Variants in KMT2C observed in about 807,000 individuals in gnomAD.
KMT2C encodes the protein histone-lysine N-methyltransferase 2C.
A neutral mutation model predicts 507.9 loss-of-function variants in KMT2C; 88 were observed. The observed-to-expected ratio is 0.17, with a 90% CI of 0.15 to 0.21. The LOEUF is 0.21. Among genes scored for constraint, KMT2C ranks in the 10% least tolerant of loss-of-function variants. The probability of loss-of-function intolerance (pLI) is 1.00; values close to 1 mark genes in which losing one functional copy is unlikely to be tolerated. For synonymous variants in KMT2C, 2,049 were observed against 2,080.8 expected (o/e 0.98, Z 0.42); for missense variants, 4,954 against 5,957.8 (o/e 0.83, Z 5.55).
chr7:152,397,431 T>C (rs2097544042), intron 1 of KMT2C, among the ~76,000 whole-genome samples: 1 of 152,156 alleles, frequency 6.6e-6, no homozygotes, highest in Admixed American at 6.6e-5. Context: ...GTTTATAACC[T>C]TCTAAGGGCT....
chr7:152,290,258 G>GTGTATATA (rs1337492088), intron 6 of KMT2C, among the ~76,000 whole-genome samples: 31 of 26,256 alleles, frequency 1.2e-3, no homozygotes, highest in East Asian at 1.4e-3. Context: ...GTGTGTATGT[G>GTGTATATA]TATATATATA....
Position 152,241,640 on chromosome 7 carries a change from A to G in KMT2C, c.2533-2814T>C, listed in dbSNP as rs532525100. Among the ~76,000 whole-genome samples, 192 of 152,286 alleles carry G rather than the reference A, an allele frequency of 1.3e-3. 1 individual carries two copies. Among genetic ancestry groups the G allele is most frequent in the Middle Eastern group, 0.01 (3 of 294 alleles). ...CCACCTAGGACGTTTTATTGTTTGT[A>G]ATTTTATTTAGTGGTAGGCAGTGGG... On this transcript the variant is annotated intron_variant, in intron 14 of 58. Coordinates refer to ENST00000262189, the MANE Select transcript of KMT2C (RefSeq NM_170606.3).
intron 7 of KMT2C, among the ~76,000 whole-genome samples, chr7:152,267,298 A>C (rs548754765): frequency 6.6e-6 from 1 of 152,304 alleles, no homozygotes; most frequent in East Asian, 1.9e-4. Flanking sequence ...ACTGGATCTC[A>C]ATAGCCAGAT....
chr7:152,164,894 C>G (rs1286062809), intron 42 of KMT2C, among the ~76,000 whole-genome samples: 1 of 152,142 alleles, frequency 6.6e-6, no homozygotes, highest in Non-Finnish European at 1.5e-5. Context: ...TCTCATTCAG[C>G]AAGCTAGGGA....
At chr7:152,174,071 C>G in intron 39 of KMT2C, 60 bp downstream of exon 39, 1 of 882,268 alleles carries the variant, frequency 1.1e-6, no homozygotes, top group Non-Finnish European at 1.8e-6. Flanking sequence ...TTTCTAAAAA[C>G]TAGTAATGAT....
chr7:152,149,428 A>G (rs10231138), intron 51 of KMT2C, among the ~76,000 whole-genome samples: 1,532 of 152,322 alleles, frequency 0.01, 29 homozygotes, highest in African/African-American at 0.035. Flanking sequence ...CTGCTCTTAC[A>G]CTTTCTGGGA....
intron 1 of KMT2C, among the ~76,000 whole-genome samples, chr7:152,391,747 G>A (rs2097500769): frequency 6.6e-6 from 1 of 152,124 alleles, no homozygotes; most frequent in Non-Finnish European, 1.5e-5. Flanking sequence ...ATATTCACCA[G>A]GCTGGTCTCG....
intron 14 of KMT2C, among the ~76,000 whole-genome samples, chr7:152,244,809 TAA>T (rs2095443078): frequency 6.6e-6 from 1 of 152,248 alleles, no homozygotes; most frequent in African/African-American, 2.4e-5. Flanking sequence ...AGTTAGGTTC[TAA>T]ATCATACATT....
At chr7:152,246,345 TAGAA>T (rs2095472715) in intron 14 of KMT2C, among the ~76,000 whole-genome samples, 1 of 151,574 alleles carries the variant, frequency 6.6e-6, no homozygotes, top group Non-Finnish European at 1.5e-5. Context: ...GGCAGAAAAA[TAGAA>T]AGATTATCAT....
intron 1 of KMT2C, among the ~76,000 whole-genome samples, chr7:152,365,461 G>A (rs773173279): frequency 7.2e-5 from 11 of 152,192 alleles, no homozygotes; most frequent in Non-Finnish European, 1.2e-4. Context: ...AGCAGAAATC[G>A]CACCGCTGCA....
intron 1 of KMT2C, among the ~76,000 whole-genome samples, chr7:152,414,257 GC>G (rs1435096289): frequency 2.0e-5 from 3 of 149,698 alleles, no homozygotes; most frequent in Admixed American, 1.3e-4. Context: ...GGGTGTGGTG[GC>G]TGGCTCACAC....
intron 1 of KMT2C, among the ~76,000 whole-genome samples, chr7:152,417,559 A>G (rs534870365): frequency 4.6e-5 from 7 of 152,240 alleles, no homozygotes; most frequent in Non-Finnish European, 8.8e-5. Context: ...CTAGAAAGTG[A>G]TAAGACCAGA....
At chr7:152,281,414 C>T (rs530236572) in intron 6 of KMT2C, among the ~76,000 whole-genome samples, 1 of 152,196 alleles carries the variant, frequency 6.6e-6, no homozygotes, top group South Asian at 2.1e-4. Flanking sequence ...AGCAGCTAAG[C>T]CAAGTACTTT....
In KMT2C at chr7:152,435,680, G is replaced by C; in HGVS notation, c.107C>G (p.Pro36Arg). 6.5e-7 allele frequency: 1 copy of C among 1,548,810 alleles called. No individual in the cohort carries two copies. The highest frequency in any genetic ancestry group is 1.9e-5 in the Admixed American group (1 of 52,392). The change falls in exon 1 of 59, where the codon CCT becomes CGT. Residue 36 changes from proline to arginine, a missense_variant. Transcript: ENST00000262189. ...GCCATCTTTGCGAGGCCGGCCCCGAGGTCTTTTGTCTGCGGCTGCGGGGCT... is the reference window on the plus strand; with the variant it reads ...GCCATCTTTGCGAGGCCGGCCCCGACGTCTTTTGTCTGCGGCTGCGGGGCT... ...APSPAAADKRPRGRPRKDGAS... is the reference protein window; with the variant it reads ...APSPAAADKRRRGRPRKDGAS...
In KMT2C at chr7:152,151,428, G is replaced by C. The variant is rs1467278143; in HGVS notation, c.12666+14C>G. ...GAGGTAGGAGGTGGGGTCATAAAAG[G>C]AGTAGCAAAGTACCTTGTTCAAAAG... is the stretch of plus-strand genomic sequence containing the variant. On this transcript the variant is annotated intron_variant, in intron 50 of 58. Coordinates refer to ENST00000262189, the MANE Select transcript of KMT2C (RefSeq NM_170606.3). 1.2e-6 allele frequency: 2 copies of C among 1,613,274 alleles called. No homozygotes were observed. The highest frequency in any genetic ancestry group is 1.7e-6 in the Non-Finnish European group (2 of 1,179,604).
At chr7:152,275,517 A>G (rs1314131990) in intron 6 of KMT2C, among the ~76,000 whole-genome samples, 1 of 152,224 alleles carries the variant, frequency 6.6e-6, no homozygotes, top group East Asian at 1.9e-4. Flanking sequence ...ATATAATATT[A>G]TAAGTATACA....
chr7:152,345,735 G>A (rs2097052267), intron 2 of KMT2C, among the ~76,000 whole-genome samples: 1 of 152,026 alleles, frequency 6.6e-6, no homozygotes, highest in South Asian at 2.1e-4. Flanking sequence ...TGGTCAGGCT[G>A]GACTCAAACT....
intron 3 of KMT2C, among the ~76,000 whole-genome samples, chr7:152,329,642 AGGAAGGAGGGAGAAGGGATGGAGG>A (rs2096861640): frequency 7.2e-6 from 1 of 138,180 alleles, no homozygotes; most frequent in African/African-American, 2.6e-5. Flanking sequence ...AAACGAAGGG[AGGAAGGAGGGAGAAGGGATGGAGG>A]GGAAGGAGGG....
intron 7 of KMT2C, 61 bp downstream of exon 7, chr7:152,273,644 A>T (rs35786451): frequency 0.016 from 25,799 of 1,579,742 alleles, 16 homozygotes; most frequent in East Asian, 0.073. Context: ...AATTTACAAC[A>T]TTTGTTATTT....
Sources: gnomAD v4.1 joint callset for allele counts (sites outside exome capture counted in the v4.1 genomes callset) on GRCh38, gnomAD v4.1.1 for gene constraint, MANE v1.5 for transcripts, NCBI Gene and HGNC (gene_info 2026-07-23, HGNC 2026-07-21) for gene names.